Variants in C1RL observed in about 807,000 individuals in gnomAD.
The protein encoded by C1RL is complement C1r subcomponent-like protein.
A neutral mutation model predicts 27.9 loss-of-function variants in C1RL; 27 were observed. The ratio of observed to expected loss-of-function variants is 0.97; its 90% confidence interval spans 0.71 to 1.33. The LOEUF is 1.33. Ranked by LOEUF, C1RL falls within the 40% of genes most tolerant of loss-of-function variation. C1RL has a pLI of 0.00. For missense variants in C1RL, 563 were observed against 623.9 expected, an observed-to-expected ratio of 0.90 and a Z score of 1.04; for synonymous variants, 248 against 252.1, an observed-to-expected ratio of 0.98 and a Z score of 0.15.
At chr12:7,106,430 C>T (rs923389043) in intron 2 of C1RL, among the ~76,000 whole-genome samples, 1 of 151,418 alleles carries the variant, frequency 6.6e-6, no homozygotes, top group African/African-American at 2.4e-5. Context: ...GGAGAGTAAA[C>T]CAAAAAAGAG....
At chr12:7,107,743 G>A (rs1052442448) in intron 2 of C1RL, among the ~76,000 whole-genome samples, 6 of 152,170 alleles carry the variant, frequency 3.9e-5, no homozygotes, top group Non-Finnish European at 8.8e-5. Context: ...TGCTGGGACT[G>A]CAAGCTTGCA....
At chr12:7,108,924 G>GTGCTGCTGCTGC (rs113832615) in intron 1 of C1RL, 186 bp downstream of exon 1, 33 of 586,298 alleles carry the variant, frequency 5.6e-5, no homozygotes, top group Middle Eastern at 4.3e-4. Context: ...AATATCTGCT[G>GTGCTGCTGCTGC]TGCTGCTGCT....
chr12:7,099,796 T>C (rs960442357), intron 4 of C1RL, 36 bp from the exon 5 acceptor site: 4 of 1,608,060 alleles, frequency 2.5e-6, no homozygotes, highest in African/African-American at 1.3e-5. Context: ...AGAAATAGGC[T>C]CGGAGTTGAA....
At chr12:7,098,254 G>A (rs1021173345) in intron 5 of C1RL, 7 of 152,256 alleles carry the variant, frequency 4.6e-5, no homozygotes, top group Non-Finnish European at 8.8e-5. Flanking sequence ...CTGGGCGACA[G>A]AGCGAGACTC....
At chr12:7,108,506 G>T in intron 1 of C1RL, 27 bp from the exon 2 acceptor site, 1 of 1,544,614 alleles carries the variant, frequency 6.5e-7, no homozygotes, top group Non-Finnish European at 8.8e-7. Flanking sequence ...GGGCAAGGTG[G>T]GGCCGCGCAG....
Position 7,097,811 on chromosome 12 carries a change from C to G in C1RL, c.692-648G>C, listed in dbSNP as rs138726444. On this transcript the variant is annotated intron_variant, in intron 5 of 5. Coordinates refer to ENST00000266542, the MANE Select transcript of C1RL (RefSeq NM_016546.4). ...ATTCGTTTGGACCATCCTGGGCCCC[C>G]ATACTACAGGCAGAGTCTGTTTCAG... 1.8e-3 allele frequency among the ~76,000 whole-genome samples: 280 copies of G among 152,304 alleles called. 1 individual carries two copies. Among genetic ancestry groups the G allele is most frequent in the African/African-American group, 6.5e-3 (271 of 41,562 alleles).
In C1RL at chr12:7,101,981, CG is replaced by C; in HGVS notation, c.406del (p.Arg136GlyfsTer2). The C allele has an allele frequency of 6.2e-7, 1 of 1,614,188 alleles. No homozygotes were observed. Among genetic ancestry groups the C allele is most frequent in the Non-Finnish European group, 8.5e-7 (1 of 1,180,026 alleles). ...GGAAGGCTGTGTGCGGAAGGTCAGC[CG>C]CAAACTCCTCCCTGAGGATACAAAC... is the stretch of plus-strand genomic sequence containing the variant. Reference protein sequence around the residue: ...REFVSSGRSLRLTFRTQPSSE... With the variant: ...REFVSSGRSLXLTFRTQPSSE... On this transcript the variant is annotated frameshift_variant, in exon 3 of 6. Coordinates refer to ENST00000266542, the MANE Select transcript of C1RL (RefSeq NM_016546.4). LOFTEE classifies it high-confidence loss of function.
At chr12:7,105,733 G>A (rs143735879) in intron 2 of C1RL, among the ~76,000 whole-genome samples, 36 of 152,310 alleles carry the variant, frequency 2.4e-4, no homozygotes, top group African/African-American at 7.5e-4. Context: ...GGAGGGAAAG[G>A]AGTTGATACT....
At chr12:7,103,003 C>T (rs1401732686) in intron 2 of C1RL, among the ~76,000 whole-genome samples, 1 of 152,186 alleles carries the variant, frequency 6.6e-6, no homozygotes, top group Non-Finnish European at 1.5e-5. Flanking sequence ...CCACAAGTCC[C>T]AAATTCATTC....
chr12:7,102,787 C>T (rs1238949898), intron 2 of C1RL, among the ~76,000 whole-genome samples: 2 of 152,194 alleles, frequency 1.3e-5, no homozygotes, highest in African/African-American at 2.4e-5. Context: ...CTTCATCGGG[C>T]AGCTTGTCTC....
rs1231691723 is a variant in C1RL at position 7,104,155 on chromosome 12, A to G, written c.301-2068T>C. Among the ~76,000 whole-genome samples, 1 of 152,216 alleles carries G rather than the reference A, an allele frequency of 6.6e-6. No individual in the cohort carries two copies. Among genetic ancestry groups the G allele is most frequent in the Non-Finnish European group, 1.5e-5 (1 of 68,038 alleles). ...AACATAAAGCAAGCAGGTTCTCATC[A>G]CAGAACCAGGGGAAGTTTTAAAAAT... On this transcript the variant is annotated intron_variant, in intron 2 of 5. Coordinates refer to ENST00000266542, the MANE Select transcript of C1RL (RefSeq NM_016546.4). This position sits in a 1 kb window ranked among gnomAD's most constrained non-coding sequence, Gnocchi z 5.4.
At chr12:7,108,535 G>A (rs934969841) in intron 1 of C1RL, 56 bp from the exon 2 acceptor site, 32 of 1,413,318 alleles carry the variant, frequency 2.3e-5, no homozygotes, top group African/African-American at 4.3e-5. Flanking sequence ...GGAAGCCTGT[G>A]GGTGTGGGAG....
At position 7,096,714 on chromosome 12, in the gene C1RL, C is replaced by G. The variant is rs758559770; in HGVS notation, c.1141G>C (p.Glu381Gln). ...AGCTCAGTAGTTAGCCAGCCCATCTCCATGCCAAACCCACTGACGTAGCCC... is the reference window on the plus strand; with the variant it reads ...AGCTCAGTAGTTAGCCAGCCCATCTGCATGCCAAACCCACTGACGTAGCCC... ...LLGYVSGFGM[E>Q]MGWLTTELKY... The change falls in exon 6 of 6, where the codon GAG (glutamate) becomes CAG (glutamine). Residue 381 changes from glutamate (E) to glutamine (Q), a missense_variant. Coordinates refer to ENST00000266542, the MANE Select transcript of C1RL (RefSeq NM_016546.4). The G allele has an allele frequency of 1.8e-5, 29 of 1,613,758 alleles. No individual in the cohort carries two copies. The South Asian group carries it at 2.9e-4, about 16-fold the overall frequency.
At chr12:7,100,518 G>T (rs976309893) in intron 3 of C1RL, among the ~76,000 whole-genome samples, 1 of 152,212 alleles carries the variant, frequency 6.6e-6, no homozygotes, top group Non-Finnish European at 1.5e-5. Context: ...AGTTCGCCAG[G>T]TGCGGTGGCT....
rs1337608561 is a variant in C1RL, at chr12:7,109,204, G to A, written c.-24C>T. On this transcript the variant is annotated 5_prime_UTR_variant, in exon 1 of 6. Coordinates refer to ENST00000266542, the MANE Select transcript of C1RL (RefSeq NM_016546.4). ...ATCTGGAACTGGACATCTGGGACCT[G>A]CGAGAGAACTGGCCCAGGATAGGGA... 2 of 1,550,196 alleles carry A rather than the reference G, an allele frequency of 1.3e-6. No homozygotes were observed. The highest frequency in any genetic ancestry group is 1.2e-5 in the South Asian group (1 of 86,916).
In C1RL at chr12:7,096,556, C is replaced by T; in HGVS notation, c.1299G>A (p.Gln433=). ...CCACATAGACGCTGCCACTGTCCCC[C>T]TGGCAGACACTGTGCCTTTGCGTCT... ...GDETQRHSVC[Q]GDSGSVYVVW... The change falls in exon 6 of 6, where the codon CAG becomes CAA. Residue 433 remains glutamine, a synonymous_variant. Transcript: ENST00000266542. 6.2e-7 allele frequency: 1 copy of T among 1,614,172 alleles called. No homozygotes were observed. The highest frequency in any genetic ancestry group is 8.5e-7 in the Non-Finnish European group (1 of 1,180,036).
rs2135750490 is a variant in C1RL, at chr12:7,095,574, T to C, written c.*817A>G. ...ATGGGGCCATTAGGAAAGTGTGAGC[T>C]AGAGGATACCATTTTCGCAGAAGCA... On this transcript the variant is annotated 3_prime_UTR_variant, in exon 6 of 6. Coordinates refer to ENST00000266542, the MANE Select transcript of C1RL (RefSeq NM_016546.4). The C allele has an allele frequency of 1.0e-6, 1 of 985,918 alleles. No individual in the cohort carries two copies. 61.1% of individuals were successfully genotyped at this position (985,918 alleles called of 1,614,324 possible). A position where few individuals can be genotyped will look rare whatever the true frequency, so the allele number is the denominator to read the frequency against.
chr12:7,096,465 C>G lies in C1RL; in HGVS notation c.1390G>C (p.Glu464Gln), dbSNP rs749433148. Residue 464 changes from glutamate (E) to glutamine (Q), a missense_variant, in exon 6 of 6, where the codon GAA becomes CAA. Physicochemically the swap from Glu to Gln is conservative, Grantham distance 29. Coordinates refer to ENST00000266542, the MANE Select transcript of C1RL (RefSeq NM_016546.4). ...GIVSWGIGCG[E>Q]GYDFYTKVLS... is the part of the protein sequence containing the mutation. Reference sequence around the variant, plus strand: ...ACCTTGGTGTAGAAGTCATACCCTTCGCCACACCCTATGCCCCAGGACACA... The same window carrying G: ...ACCTTGGTGTAGAAGTCATACCCTTGGCCACACCCTATGCCCCAGGACACA... The G allele has an allele frequency of 6.2e-7, 1 of 1,614,000 alleles. No homozygotes were observed. The highest frequency in any genetic ancestry group is 8.5e-7 in the Non-Finnish European group (1 of 1,180,028).
rs1391004091 is a variant in C1RL at position 7,099,915 on chromosome 12, T to G, written c.602A>C (p.Gln201Pro). The change falls in exon 4 of 6, where the codon CAG becomes CCG. Residue 201 changes from glutamine (Q) to proline (P), a missense_variant. Coordinates refer to ENST00000266542, the MANE Select transcript of C1RL (RefSeq NM_016546.4). ...TGGGGACTCACCTGCTGCCGCGGCC[T>G]GATAATAGGGCTCCTGGCAGTGGTT... ...VQNHCQEPYYQAAAAGALTCA... is the reference protein window; with the variant it reads ...VQNHCQEPYYPAAAAGALTCA... The G allele has an allele frequency of 3.1e-6, 5 of 1,614,070 alleles. No individual in the cohort carries two copies. The highest frequency in any genetic ancestry group is 4.2e-6 in the Non-Finnish European group (5 of 1,180,016).
Sources: allele counts gnomAD v4.1 joint callset (sites outside exome capture counted in the v4.1 genomes callset), GRCh38; gene constraint gnomAD v4.1.1; non-coding constraint Gnocchi (gnomAD v3.1); transcripts MANE v1.5; gene names NCBI Gene and HGNC (gene_info 2026-07-23, HGNC 2026-07-21).